Variants in TP63 observed in about 807,000 individuals in gnomAD.
The protein encoded by TP63 is tumor protein 63.
In TP63, 17 loss-of-function variants were observed where a neutral mutation model predicts 82.8. The observed-to-expected ratio is 0.21, with a 90% confidence interval of 0.14 to 0.31. TP63 has a LOEUF of 0.31. Ranked by LOEUF, TP63 falls within the 10% of genes least tolerant of loss-of-function variation. The pLI, the probability that TP63 is intolerant of heterozygous loss-of-function variation, is 1.00. For missense variants in TP63, 648 were observed against 895.3 expected (o/e 0.72, Z 3.52); for synonymous variants, 330 against 321.7 (o/e 1.03, Z -0.28).
At chr3:189,708,571 T>C (rs73195998) in intron 1 of TP63, among the ~76,000 whole-genome samples, 23,832 of 152,106 alleles carry the variant, frequency 0.16, 2,058 homozygotes, top group Admixed American at 0.24. Context: ...GTACCTGACA[T>C]AAATAGAGCT....
At chr3:189,796,358 C>G (rs1318080517) in intron 3 of TP63, among the ~76,000 whole-genome samples, 1 of 151,962 alleles carries the variant, frequency 6.6e-6, no homozygotes, top group Non-Finnish European at 1.5e-5. Context: ...CCTCCTTCAT[C>G]ACTTCCATCT....
At chr3:189,718,969 G>A (rs1015575426) in intron 1 of TP63, among the ~76,000 whole-genome samples, 15 of 151,948 alleles carry the variant, frequency 9.9e-5, no homozygotes, top group African/African-American at 2.4e-4. Flanking sequence ...AGAATACTTC[G>A]GAATATGAAT....
At position 189,881,443 on chromosome 3, in the gene TP63, T is replaced by C. The variant is rs35857344; in HGVS notation, c.1350-4951T>C. 1,630 of 985,428 alleles carry C rather than the reference T, an allele frequency of 1.7e-3. 18 individuals carry two copies. In the African/African-American group the frequency reaches 0.026, roughly 15 times the overall value. 61.0% of individuals were successfully genotyped at this position (985,428 alleles called of 1,614,324 possible). On this transcript the variant is annotated intron_variant, in intron 10 of 13. Coordinates refer to ENST00000264731, the MANE Select transcript of TP63 (RefSeq NM_003722.5). ...AATGATTTCTTGTTATTGAGGCTGT[T>C]GCTTTTGTGGATGTGTGATTTTAAT...
At chr3:189,669,342 G>A (rs1383094559) in intron 1 of TP63, among the ~76,000 whole-genome samples, 2 of 150,882 alleles carry the variant, frequency 1.3e-5, no homozygotes, top group African/African-American at 4.9e-5. Context: ...TTTGTAGTTA[G>A]CAGGTGTGTA....
intron 4 of TP63, among the ~76,000 whole-genome samples, chr3:189,811,272 A>G (rs1431071132): frequency 6.6e-6 from 1 of 152,186 alleles, no homozygotes; most frequent in Non-Finnish European, 1.5e-5. Flanking sequence ...TAACGTAGAA[A>G]GTTTTTAGAA....
intron 3 of TP63, among the ~76,000 whole-genome samples, chr3:189,757,338 T>C (rs773865356): frequency 6.6e-6 from 1 of 152,222 alleles, no homozygotes; most frequent in African/African-American, 2.4e-5. Context: ...TGTTTGAATC[T>C]AGCTCAGTTA....
At chr3:189,892,025 C>T (rs1321881973) in intron 13 of TP63, among the ~76,000 whole-genome samples, 2 of 152,194 alleles carry the variant, frequency 1.3e-5, no homozygotes, top group Non-Finnish European at 2.9e-5. Flanking sequence ...TAAATCACTC[C>T]TGGCTGCTGC....
At chr3:189,718,628 A>C (rs1719140054) in intron 1 of TP63, among the ~76,000 whole-genome samples, 1 of 151,698 alleles carries the variant, frequency 6.6e-6, no homozygotes, top group African/African-American at 2.4e-5. Context: ...AATACTGCAT[A>C]AATAACATTT....
intron 3 of TP63, among the ~76,000 whole-genome samples, chr3:189,753,555 A>T (rs548070196): frequency 3.3e-4 from 50 of 152,066 alleles, no homozygotes; most frequent in African/African-American, 1.2e-3. Flanking sequence ...ACCTACTTTT[A>T]TCATTACATT....
Position 189,798,194 on chromosome 3 carries a change from T to C in TP63, c.325-10078T>C, listed in dbSNP as rs544906587. ...GAATATATGGTGTATTGTATATACT[T>C]AAAAGGCTGTTTGTAATTGACTTGT... On this transcript the variant is annotated intron_variant, in intron 3 of 13. Transcript: ENST00000264731. 2.3e-4 allele frequency among the ~76,000 whole-genome samples: 35 copies of C among 152,200 alleles called. No homozygotes were observed. The South Asian group carries it at 7.3e-3, about 32-fold the overall frequency.
intron 4 of TP63, among the ~76,000 whole-genome samples, chr3:189,835,007 C>A (rs1712927324): frequency 6.6e-6 from 1 of 151,058 alleles, no homozygotes; most frequent in South Asian, 2.1e-4. Context: ...GGAAGAGTGA[C>A]CTGATCTTAT....
chr3:189,784,344 A>G (rs1724440935), intron 3 of TP63, among the ~76,000 whole-genome samples: 1 of 152,080 alleles, frequency 6.6e-6, no homozygotes, highest in Admixed American at 6.6e-5. Flanking sequence ...AAGAAGGATA[A>G]ATACAGGAGT....
At chr3:189,825,866 C>A (rs1198401963) in intron 4 of TP63, among the ~76,000 whole-genome samples, 1 of 152,142 alleles carries the variant, frequency 6.6e-6, no homozygotes, top group Non-Finnish European at 1.5e-5. Flanking sequence ...GGGGTATGCG[C>A]TGTAATTTGT....
At chr3:189,884,834 T>A (rs1720272997) in intron 10 of TP63, among the ~76,000 whole-genome samples, 1 of 152,242 alleles carries the variant, frequency 6.6e-6, no homozygotes. Flanking sequence ...TTTGCATTCA[T>A]CTAGCTGTGG....
At chr3:189,679,758 G>A (rs1399550296) in intron 1 of TP63, among the ~76,000 whole-genome samples, 2 of 152,080 alleles carry the variant, frequency 1.3e-5, no homozygotes, top group Non-Finnish European at 2.9e-5. Context: ...CAGTTCTACA[G>A]CTCCAGGTTT....
At chr3:189,787,470 C>T (rs1382907474) in intron 3 of TP63, among the ~76,000 whole-genome samples, 1 of 152,084 alleles carries the variant, frequency 6.6e-6, no homozygotes, top group East Asian at 1.9e-4. Flanking sequence ...ACTCAAAGTT[C>T]TCAAGTAGCC....
At chr3:189,859,593 T>G (rs890175278) in intron 4 of TP63, among the ~76,000 whole-genome samples, 4 of 152,170 alleles carry the variant, frequency 2.6e-5, no homozygotes, top group Non-Finnish European at 4.4e-5. Flanking sequence ...TCCTCATATA[T>G]TGCAAGTGAC....
chr3:189,703,975 A>G (rs978017458), intron 1 of TP63, among the ~76,000 whole-genome samples: 11 of 152,330 alleles, frequency 7.2e-5, no homozygotes, highest in East Asian at 5.8e-4. Flanking sequence ...AAAGGACTCT[A>G]TAGTTATCAC....
intron 1 of TP63, among the ~76,000 whole-genome samples, chr3:189,728,560 G>A (rs1486004363): frequency 6.6e-6 from 1 of 152,200 alleles, no homozygotes; most frequent in Non-Finnish European, 1.5e-5. Flanking sequence ...AAAACAACCT[G>A]TAGGATACAG....
Sources: allele counts gnomAD v4.1 joint callset (sites outside exome capture counted in the v4.1 genomes callset), GRCh38; gene constraint gnomAD v4.1.1; transcripts MANE v1.5; gene names NCBI Gene and HGNC (gene_info 2026-07-23, HGNC 2026-07-21).